The following SEPHS1 variants were observed in gnomAD, a reference collection of about 807,000 sequenced individuals.
SEPHS1 encodes the protein selenophosphate synthetase 1, also known as zincore component SEPHS1.
SEPHS1 carries 7 observed loss-of-function variants against 39.2 expected under a neutral mutation model. That is an observed-to-expected ratio of 0.18 (90% confidence interval 0.10 to 0.34). The LOEUF is 0.34. SEPHS1 is among the 10% of genes least tolerant of loss of function. The probability of loss-of-function intolerance (pLI) is 1.00; values close to 1 mark genes in which losing one functional copy is unlikely to be tolerated. For synonymous variants in SEPHS1, 190 were observed against 195.5 expected (o/e 0.97, Z 0.23); for missense variants, 253 against 514.5 (o/e 0.49, Z 4.92).
chr10:13,344,975 CA>C lies in SEPHS1; in HGVS notation c.-26del, dbSNP rs1166972684. On this transcript the variant is annotated 5_prime_UTR_variant, in exon 2 of 9. Transcript: ENST00000327347. ...TGGTTCTTGGGCCCCGCTCTCCTCA[CA>C]GCTCAGCCCCTCCCCTCCCTCTGCG... The C allele has an allele frequency of 6.9e-7, 1 of 1,451,116 alleles. No homozygotes were observed. The highest frequency in any genetic ancestry group is 2.2e-5 in the Admixed American group (1 of 45,172). The allele number at this position is 1,451,116 out of a possible 1,614,324, so 89.9% of individuals were successfully genotyped here. A position where few individuals can be genotyped will look rare whatever the true frequency, so the allele number is the denominator to read the frequency against.
intron 5 of SEPHS1, 56 bp downstream of exon 5, chr10:13,333,761 A>G: frequency 1.3e-6 from 2 of 1,568,146 alleles, no homozygotes; most frequent in East Asian, 4.5e-5. Flanking sequence ...ATTTTTAAAA[A>G]GAGAGGACAG....
At chr10:13,333,536 G>A (rs1833531748) in intron 5 of SEPHS1, among the ~76,000 whole-genome samples, 1 of 151,962 alleles carries the variant, frequency 6.6e-6, no homozygotes. Context: ...CACCCCTGGG[G>A]TTCAAGCGAT....
chr10:13,329,295 AC>A (rs1335140110), intron 6 of SEPHS1, among the ~76,000 whole-genome samples: 1 of 152,196 alleles, frequency 6.6e-6, no homozygotes, highest in Non-Finnish European at 1.5e-5. Context: ...ACAACCAAAA[AC>A]TGCATAAAAC....
At chr10:13,320,742 C>A (rs1235037293) in intron 8 of SEPHS1, among the ~76,000 whole-genome samples, 3 of 152,124 alleles carry the variant, frequency 2.0e-5, no homozygotes, top group African/African-American at 4.8e-5. Context: ...GCAAGAGAAT[C>A]GCTTGAACCG....
intron 5 of SEPHS1, among the ~76,000 whole-genome samples, chr10:13,332,565 C>T (rs920776353): frequency 2.6e-5 from 4 of 152,094 alleles, no homozygotes; most frequent in East Asian, 3.9e-4. Context: ...AAATGTCAGC[C>T]GGGCGCGGTG....
intron 2 of SEPHS1, among the ~76,000 whole-genome samples, chr10:13,339,552 C>A (rs547867368): frequency 6.6e-6 from 1 of 151,964 alleles, no homozygotes; most frequent in Non-Finnish European, 1.5e-5. Context: ...GAAAGCTGAA[C>A]ACAGTGAGCA....
At chr10:13,321,388 A>C (rs1463246497) in intron 8 of SEPHS1, among the ~76,000 whole-genome samples, 1 of 152,026 alleles carries the variant, frequency 6.6e-6, no homozygotes, top group Admixed American at 6.6e-5. Flanking sequence ...CTGGGATTAC[A>C]GGGCACACGC....
rs1025047261 is a variant in SEPHS1 at position 13,345,016 on chromosome 10, T to G, written c.-66A>C. Reference sequence around the variant, plus strand: ...CTCCCTCTGCGGGTTGGCTGGGTTCTTTATGGATCCACCTGGGTGTCACCA... The same window carrying G: ...CTCCCTCTGCGGGTTGGCTGGGTTCGTTATGGATCCACCTGGGTGTCACCA... On this transcript the variant is annotated 5_prime_UTR_variant, in exon 2 of 9. Transcript: ENST00000327347. 6.0e-6 allele frequency: 8 copies of G among 1,340,608 alleles called. No homozygotes were observed. In the African/African-American group the frequency reaches 1.2e-4, roughly 20 times the overall value. The allele number at this position is 1,340,608 out of a possible 1,614,324, so 83.0% of individuals were successfully genotyped here.
rs147265301 is a variant in SEPHS1, at chr10:13,325,523, G to A, written c.752-2476C>T. Among the ~76,000 whole-genome samples, 853 of 152,238 alleles carry A rather than the reference G, an allele frequency of 5.6e-3. 8 individuals are homozygous for A. Among genetic ancestry groups the A allele is most frequent in the African/African-American group, 0.019 (807 of 41,532 alleles). ...TCCTGCTGCCTCATGAAGAACCTAG[G>A]TGCCTGTTTCCCCTTCACCATCTGC... On this transcript the variant is annotated intron_variant, in intron 7 of 8. Transcript: ENST00000327347.
intron 7 of SEPHS1, 97 bp downstream of exon 7, chr10:13,328,254 C>T: frequency 1.2e-6 from 1 of 802,040 alleles, no homozygotes; most frequent in South Asian, 1.7e-5. Context: ...GGCCAAAAAT[C>T]TGGCCACCTA....
intron 7 of SEPHS1, among the ~76,000 whole-genome samples, chr10:13,325,026 GT>G (rs1226415119): frequency 6.6e-6 from 1 of 152,098 alleles, no homozygotes; most frequent in Non-Finnish European, 1.5e-5. Flanking sequence ...TTATTATTGA[GT>G]TTTAAGAGTC....
chr10:13,326,917 G>A (rs1369133369), intron 7 of SEPHS1, among the ~76,000 whole-genome samples: 1 of 152,060 alleles, frequency 6.6e-6, no homozygotes, highest in African/African-American at 2.4e-5. Context: ...GATAATTGTG[G>A]TACATTTCTC....
intron 8 of SEPHS1, among the ~76,000 whole-genome samples, chr10:13,320,753 G>T (rs1284527093): frequency 1.3e-5 from 2 of 152,044 alleles, no homozygotes; most frequent in Non-Finnish European, 2.9e-5. Context: ...GCTTGAACCG[G>T]GGAGGGGGAG....
At chr10:13,343,079 G>A (rs1287739657) in intron 2 of SEPHS1, among the ~76,000 whole-genome samples, 1 of 152,170 alleles carries the variant, frequency 6.6e-6, no homozygotes, top group Non-Finnish European at 1.5e-5. Context: ...CTGAGGCTCA[G>A]GAGGGCTGGG....
Position 13,317,549 on chromosome 10 carries a change from C to A in SEPHS1, c.*1593G>T, listed in dbSNP as rs1832977852. On this transcript the variant is annotated 3_prime_UTR_variant, in exon 9 of 9. Coordinates refer to ENST00000327347, the MANE Select transcript of SEPHS1 (RefSeq NM_012247.5). ...CAATCACTTTCAGTTCCGTAGCAGG[C>A]TCTTCCATACTGCACACCATGCTTA... 6.6e-6 allele frequency: 1 copy of A among 152,220 alleles called. No individual in the cohort carries two copies. Among genetic ancestry groups the A allele is most frequent in the East Asian group, 1.9e-4 (1 of 5,198 alleles). 9.4% of individuals were successfully genotyped at this position (152,220 alleles called of 1,614,324 possible).
At position 13,319,318 on chromosome 10, in the gene SEPHS1, G is replaced by A. The variant is rs1389025702; in HGVS notation, c.1003C>T (p.Arg335Trp). The change falls in exon 9 of 9, where the codon CGG becomes TGG. Residue 335 changes from arginine (R) to tryptophan (W), a missense_variant. This residue lies in a region of SEPHS1 where 107 missense variants were observed against 257.1 expected (regional missense o/e 0.42). Transcript: ENST00000327347. ...LICLPREQAA[R>W]FCAEIKSPKY... ...GGGGACTTTATCTCTGCACAGAACC[G>A]AGCTGCTTGCTCACGTGGTAAACAG... 2 of 1,613,168 alleles carry A rather than the reference G, an allele frequency of 1.2e-6. No homozygotes were observed. Among genetic ancestry groups the A allele is most frequent in the Non-Finnish European group, 1.7e-6 (2 of 1,179,816 alleles).
intron 7 of SEPHS1, among the ~76,000 whole-genome samples, 168 bp from the exon 8 acceptor site, chr10:13,323,215 T>C (rs570960038): frequency 6.6e-6 from 1 of 152,292 alleles, no homozygotes; most frequent in East Asian, 1.9e-4. Context: ...CCAAAAGTTC[T>C]TATTTCACTT....
chr10:13,336,298 G>A lies in SEPHS1; in HGVS notation c.350C>T (p.Thr117Met), dbSNP rs200835015. 6.2e-6 allele frequency: 10 copies of A among 1,614,050 alleles called. No individual in the cohort carries two copies. Among genetic ancestry groups the A allele is most frequent in the African/African-American group, 2.7e-5 (2 of 75,030 alleles). ...GAGCATCAGCATATTGTCACATTCC[G>A]TGACCCCCATTGCATAGAGGTCACT... ...VLSDLYAMGV[T>M]ECDNMLMLLG... Residue 117 changes from threonine (T) to methionine (M), a missense_variant, in exon 4 of 9, where the codon ACG becomes ATG. Physicochemically the swap from Thr to Met is moderately conservative, Grantham distance 81. Around this residue, in one of 4 missense-constraint regions of SEPHS1, gnomAD observed 123 missense variants for 196.8 expected, o/e 0.62. Coordinates refer to ENST00000327347, the MANE Select transcript of SEPHS1 (RefSeq NM_012247.5).
At chr10:13,325,679 C>T (rs781604659) in intron 7 of SEPHS1, among the ~76,000 whole-genome samples, 16 of 151,944 alleles carry the variant, frequency 1.1e-4, no homozygotes, top group Non-Finnish European at 8.8e-5. Flanking sequence ...CTTTGGGAGG[C>T]CAAGGTCAGG....
Sources: allele counts gnomAD v4.1 joint callset (sites outside exome capture counted in the v4.1 genomes callset), GRCh38; gene constraint gnomAD v4.1.1; regional missense constraint gnomAD v4.1.1; transcripts MANE v1.5; gene names NCBI Gene and HGNC (gene_info 2026-07-23, HGNC 2026-07-21).